The following MIR2052HG variants were observed in gnomAD, a reference collection of about 807,000 sequenced individuals.
MIR2052HG encodes MIR2052 host gene.
intron 1 of MIR2052HG, among the ~76,000 whole-genome samples, chr8:74,611,462 A>T (rs1344508443): frequency 6.6e-6 from 1 of 152,168 alleles, no homozygotes; most frequent in East Asian, 1.9e-4. Flanking sequence ...TTAATAGTTG[A>T]TTTTAAAATG....
chr8:74,661,214 T>C (rs1808861009), intron 2 of MIR2052HG, among the ~76,000 whole-genome samples: 1 of 150,870 alleles, frequency 6.6e-6, no homozygotes, highest in Non-Finnish European at 1.5e-5. Context: ...TTTTTTTTTT[T>C]TTTTCGAGAC....
intron 2 of MIR2052HG, among the ~76,000 whole-genome samples, chr8:74,676,502 G>T (rs1387372134): frequency 6.6e-6 from 1 of 150,784 alleles, no homozygotes; most frequent in African/African-American, 2.4e-5. Flanking sequence ...AACAGTAAAA[G>T]AAAAATTAAA....
chr8:74,652,704 A>G (rs1259706608), intron 2 of MIR2052HG, among the ~76,000 whole-genome samples: 1 of 152,222 alleles, frequency 6.6e-6, no homozygotes, highest in Non-Finnish European at 1.5e-5. Context: ...CACATAACAC[A>G]TATCTATTTC....
At chr8:74,716,435 G>A (rs766455141) in intron 4 of MIR2052HG, among the ~76,000 whole-genome samples, 24 of 152,158 alleles carry the variant, frequency 1.6e-4, no homozygotes, top group East Asian at 3.8e-4. Flanking sequence ...ATCCAGGGCC[G>A]GTCACAGTGG....
Position 74,747,050 on chromosome 8 carries a change from A to G in MIR2052HG, n.372-5391A>G, listed in dbSNP as rs1248890295. ...ACACTGATCCATGCTAACTCCATTA[A>G]GAGTCACTTAATCTAGTTTTGGATA... On this transcript the variant is annotated intron_variant and non_coding_transcript_variant, in intron 4 of 6. Transcript: ENST00000523442. Among the ~76,000 whole-genome samples, 3 of 152,198 alleles carry G rather than the reference A, an allele frequency of 2.0e-5. No individual in the cohort carries two copies. The East Asian group carries it at 5.8e-4, about 29-fold the overall frequency.
chr8:74,714,809 A>G (rs2128742005), intron 4 of MIR2052HG, among the ~76,000 whole-genome samples: 1 of 150,074 alleles, frequency 6.7e-6, no homozygotes, highest in East Asian at 2.0e-4. Context: ...GGTTCAAGCA[A>G]TTCTCCTGCC....
At chr8:74,700,356 T>C (rs1293357168) in intron 2 of MIR2052HG, among the ~76,000 whole-genome samples, 1 of 152,202 alleles carries the variant, frequency 6.6e-6, no homozygotes, top group African/African-American at 2.4e-5. Flanking sequence ...ATCTACGATG[T>C]GTGAAACGCC....
In MIR2052HG at chr8:74,690,541, T is replaced by C. The variant is rs1809229027; in HGVS notation, n.217-11838T>C. Reference sequence around the variant, plus strand: ...CGGGCGCCTGTAGTCCCAGCTATTCTGGAGGCTGAGGCAGGAGAATGGCAT... The same window carrying C: ...CGGGCGCCTGTAGTCCCAGCTATTCCGGAGGCTGAGGCAGGAGAATGGCAT... On this transcript the variant is annotated intron_variant and non_coding_transcript_variant, in intron 2 of 6. Coordinates refer to ENST00000523442, the Ensembl canonical transcript of MIR2052HG. Among the ~76,000 whole-genome samples the C allele has an allele frequency of 2.0e-5, 3 of 151,750 alleles. No individual in the cohort carries two copies. In the South Asian group the frequency reaches 6.2e-4, roughly 32 times the overall value.
intron 2 of MIR2052HG, among the ~76,000 whole-genome samples, chr8:74,698,720 G>C (rs1042276084): frequency 8.6e-5 from 13 of 152,040 alleles, no homozygotes; most frequent in African/African-American, 3.1e-4. Flanking sequence ...TCATAAGTGA[G>C]AGCTGAACAA....
intron 1 of MIR2052HG, among the ~76,000 whole-genome samples, chr8:74,610,334 A>G (rs1210441123): frequency 7.2e-5 from 11 of 152,082 alleles, no homozygotes; most frequent in East Asian, 3.9e-4. Context: ...CAAGACCTGT[A>G]AAATACAAAC....
intron 5 of MIR2052HG, chr8:74,756,965 G>A (rs1396809004): frequency 1.3e-5 from 2 of 152,214 alleles, no homozygotes; most frequent in African/African-American, 4.8e-5. Flanking sequence ...CCAGCTAGAA[G>A]GATCAGGGAC....
At chr8:74,630,746 G>A (rs1399616558) in intron 2 of MIR2052HG, among the ~76,000 whole-genome samples, 1 of 152,112 alleles carries the variant, frequency 6.6e-6, no homozygotes, top group African/African-American at 2.4e-5. Context: ...GTTCTAGTTT[G>A]CTCTACATTA....
At chr8:74,720,398 A>G (rs1169725927) in intron 4 of MIR2052HG, among the ~76,000 whole-genome samples, 2 of 152,174 alleles carry the variant, frequency 1.3e-5, no homozygotes, top group African/African-American at 4.8e-5. Flanking sequence ...ATATGTAGTC[A>G]ATGCATAGCA....
intron 2 of MIR2052HG, among the ~76,000 whole-genome samples, chr8:74,630,963 C>G (rs1307466993): frequency 1.3e-5 from 2 of 152,164 alleles, no homozygotes; most frequent in Non-Finnish European, 2.9e-5. Context: ...GGCATGTGCT[C>G]TCATCTATGC....
At chr8:74,723,015 G>C (rs145680969) in intron 4 of MIR2052HG, among the ~76,000 whole-genome samples, 95 of 152,282 alleles carry the variant, frequency 6.2e-4, no homozygotes, top group Non-Finnish European at 1.2e-3. Flanking sequence ...TTCTTCATCA[G>C]GGTAATGAAT....
At chr8:74,738,100 A>G (rs1809787591) in intron 4 of MIR2052HG, among the ~76,000 whole-genome samples, 1 of 142,450 alleles carries the variant, frequency 7.0e-6, no homozygotes, top group South Asian at 2.3e-4. Flanking sequence ...GTATGTATGT[A>G]TCTGTTATGT....
rs116936300 is a variant in MIR2052HG, at chr8:74,665,831, C to A, written n.217-36548C>A. On this transcript the variant is annotated intron_variant and non_coding_transcript_variant, in intron 2 of 6. Coordinates refer to ENST00000523442, the Ensembl canonical transcript of MIR2052HG. ...ATCATGGGAGAGGGTCTTTCCCTTG[C>A]TGTTCTTGTGATAGTGAATACGTCT... 9.7e-3 allele frequency among the ~76,000 whole-genome samples: 1,473 copies of A among 152,214 alleles called. 10 individuals carry two copies. Among genetic ancestry groups the A allele is most frequent in the South Asian group, 0.016 (75 of 4,828 alleles).
chr8:74,666,336 C>A (rs1808924266), intron 2 of MIR2052HG, among the ~76,000 whole-genome samples: 1 of 152,148 alleles, frequency 6.6e-6, no homozygotes, highest in South Asian at 2.1e-4. Context: ...AATAAAAGCC[C>A]TTTTCCTAAC....
chr8:74,706,564 C>G (rs569141737), intron 4 of MIR2052HG, among the ~76,000 whole-genome samples: 38 of 152,172 alleles, frequency 2.5e-4, no homozygotes, highest in African/African-American at 8.9e-4. Context: ...CTTGCACGAA[C>G]CAGAGCACGA....
Sources: allele counts gnomAD v4.1 joint callset (sites outside exome capture counted in the v4.1 genomes callset), GRCh38; gene constraint gnomAD v4.1.1; transcripts MANE v1.5; gene names NCBI Gene and HGNC (gene_info 2026-07-23, HGNC 2026-07-21).